PSD2: variants seen among roughly 807,000 people sequenced by gnomAD.
The protein encoded by PSD2 is pleckstrin and Sec7 domain containing 2.
Under a neutral mutation model 69.8 loss-of-function variants are expected in PSD2, and 38 were observed. The observed-to-expected ratio is 0.54, with a 90% confidence interval of 0.42 to 0.71. The LOEUF (loss-of-function observed/expected upper bound fraction) is 0.71. PSD2 is among the 30% of genes least tolerant of loss of function. The pLI is 0.00. For missense variants in PSD2, 943 were observed against 1,014.5 expected (o/e 0.93, Z 0.96); for synonymous variants, 412 against 423.0 (o/e 0.97, Z 0.32).
chr5:139,756,149 G>T, the PSD2 span, among the ~76,000 whole-genome samples: 7 of 152,216 alleles, frequency 4.6e-5, no homozygotes, highest in Non-Finnish European at 7.3e-5. Flanking sequence ...CGGTCTGGGG[G>T]CGGGGAGGGA....
intron 4 of PSD2, among the ~76,000 whole-genome samples, chr5:139,815,995 T>TTA (rs1554095243): frequency 1.1e-5 from 1 of 92,768 alleles, no homozygotes; most frequent in African/African-American, 4.4e-5. Context: ...CTCCATATAT[T>TTA]AAAAAAAAAA....
the PSD2 span, among the ~76,000 whole-genome samples, chr5:139,779,039 G>C: frequency 2.6e-5 from 4 of 151,028 alleles, no homozygotes; most frequent in Non-Finnish European, 5.9e-5. Context: ...TTCCCAAAAG[G>C]TGCGCTGCAT....
chr5:139,775,078 C>A, the PSD2 span, among the ~76,000 whole-genome samples: 1 of 152,262 alleles, frequency 6.6e-6, no homozygotes, highest in African/African-American at 2.4e-5. Flanking sequence ...CACCACCAGT[C>A]TGGGATCAGC....
Position 139,843,420 on chromosome 5 carries a change from G to T in PSD2, c.*946G>T, listed in dbSNP as rs1760925935. The T allele has an allele frequency of 6.6e-6, 1 of 152,242 alleles. No homozygotes were observed. Among genetic ancestry groups the T allele is most frequent in the Non-Finnish European group, 1.5e-5 (1 of 68,064 alleles). 9.4% of individuals were successfully genotyped at this position (152,242 alleles called of 1,614,324 possible). ...CCCCGTTTGTCCCATGGATATCCTG[G>T]GGTGTGAGTCGGATGGGACCACGGC... On this transcript the variant is annotated 3_prime_UTR_variant, in exon 15 of 15. Transcript: ENST00000274710.
the PSD2 span, among the ~76,000 whole-genome samples, chr5:139,785,664 T>C: frequency 6.6e-6 from 1 of 152,256 alleles, no homozygotes; most frequent in Non-Finnish European, 1.5e-5. Context: ...CAAGGATTTT[T>C]GTGTTTTTTT....
the PSD2 span, among the ~76,000 whole-genome samples, chr5:139,769,373 G>A: frequency 1.3e-5 from 2 of 152,116 alleles, no homozygotes; most frequent in Non-Finnish European, 2.9e-5. Context: ...CTAGACAGGG[G>A]TGGCATGGTC....
At chr5:139,766,239 G>A in the PSD2 span, among the ~76,000 whole-genome samples, 10 of 152,172 alleles carry the variant, frequency 6.6e-5, no homozygotes, top group African/African-American at 2.4e-4. Context: ...TTGTAGAAGG[G>A]GGCGATACAG....
At chr5:139,822,919 C>A in intron 7 of PSD2, 135 bp downstream of exon 7, 2 of 684,996 alleles carry the variant, frequency 2.9e-6, no homozygotes, top group Non-Finnish European at 4.5e-6. Context: ...GGCAGCTTGG[C>A]TTCTAGATTT....
At chr5:139,791,431 CA>C (rs902148114), upstream of PSD2, among the ~76,000 whole-genome samples, 1 of 151,728 alleles carries the variant, frequency 6.6e-6, no homozygotes, top group African/African-American at 2.4e-5. Flanking sequence ...AAAAGAAAAA[CA>C]AAAAACAAAA....
intron 4 of PSD2, among the ~76,000 whole-genome samples, chr5:139,816,203 G>T (rs2126942880): frequency 6.6e-6 from 1 of 152,068 alleles, no homozygotes; most frequent in Middle Eastern, 3.4e-3. Context: ...AAATACTTTA[G>T]TATGTATCTC....
At chr5:139,766,955 T>TTCTA in the PSD2 span, among the ~76,000 whole-genome samples, 1 of 136,296 alleles carries the variant, frequency 7.3e-6, no homozygotes, top group Admixed American at 7.7e-5. Flanking sequence ...CTTTCTTTCT[T>TTCTA]TCTTTCTTTC....
intron 1 of PSD2, among the ~76,000 whole-genome samples, chr5:139,797,756 G>A (rs1759567012): frequency 6.6e-6 from 1 of 152,220 alleles, no homozygotes; most frequent in Non-Finnish European, 1.5e-5. Context: ...TTGTGGTAGA[G>A]CTGTTTGTTC....
At chr5:139,825,348 G>T (rs1327242029) in intron 7 of PSD2, among the ~76,000 whole-genome samples, 1 of 152,218 alleles carries the variant, frequency 6.6e-6, no homozygotes, top group African/African-American at 2.4e-5. Flanking sequence ...GAATAGCGCT[G>T]CTGTGAACAT....
At chr5:139,815,996 A>T (rs890469372) in intron 4 of PSD2, among the ~76,000 whole-genome samples, 78 of 77,200 alleles carry the variant, frequency 1.0e-3, no homozygotes, top group African/African-American at 3.4e-3. Context: ...TCCATATATT[A>T]AAAAAAAAAA....
chr5:139,837,116 G>A lies in PSD2; in HGVS notation c.1595-52G>A. 1 of 1,607,842 alleles carries A rather than the reference G, an allele frequency of 6.2e-7. No homozygotes were observed. The highest frequency in any genetic ancestry group is 8.5e-7 in the Non-Finnish European group (1 of 1,175,478). On this transcript the variant is annotated intron_variant, in intron 10 of 14. Transcript: ENST00000274710. This position sits in a 1 kb window ranked among gnomAD's most constrained non-coding sequence, Gnocchi z 5.0. ...GGACACGTAGTGGGAGGTGGGGTTG[G>A]AGAGACTGCAGAGGGTGGCTGCAGC... is the stretch of plus-strand genomic sequence containing the variant.
chr5:139,768,947 T>C, the PSD2 span, among the ~76,000 whole-genome samples: 2 of 152,108 alleles, frequency 1.3e-5, no homozygotes, highest in South Asian at 4.2e-4. Flanking sequence ...TCAACAACAT[T>C]ATTGAGCACC....
In PSD2 at chr5:139,839,929, A is replaced by G; in HGVS notation, c.1969-98A>G. ...TTTTGGTGATGCTGGCTAGGCCTTC[A>G]TTTCCCTTTGGTGGAGCAGCTCCTG... On this transcript the variant is annotated intron_variant, in intron 13 of 14. Coordinates refer to ENST00000274710, the MANE Select transcript of PSD2 (RefSeq NM_032289.4). This position sits in a 1 kb window ranked among gnomAD's most constrained non-coding sequence, Gnocchi z 5.1. 1 of 1,414,848 alleles carries G rather than the reference A, an allele frequency of 7.1e-7. No individual in the cohort carries two copies. The allele number at this position is 1,414,848 out of a possible 1,614,324, so 87.6% of individuals were successfully genotyped here. A position where few individuals can be genotyped will look rare whatever the true frequency, so the allele number is the denominator to read the frequency against.
intron 6 of PSD2, among the ~76,000 whole-genome samples, chr5:139,822,495 A>G (rs1254151487): frequency 2.0e-5 from 3 of 152,174 alleles, no homozygotes; most frequent in African/African-American, 7.2e-5. Context: ...AGGAGGCAGG[A>G]GTCTGGGCCA....
At chr5:139,767,907 T>C in the PSD2 span, among the ~76,000 whole-genome samples, 1 of 152,232 alleles carries the variant, frequency 6.6e-6, no homozygotes, top group Non-Finnish European at 1.5e-5. Context: ...ACAAAGCCCC[T>C]ACCAGGTCTA....
Sources: gnomAD v4.1 joint callset for allele counts (sites outside exome capture counted in the v4.1 genomes callset) on GRCh38, gnomAD v4.1.1 for gene constraint, Gnocchi (gnomAD v3.1) non-coding constraint, MANE v1.5 for transcripts, NCBI Gene and HGNC (gene_info 2026-07-23, HGNC 2026-07-21) for gene names.